Variants in TNXB observed in about 807,000 individuals in gnomAD.
TNXB encodes the protein tenascin-X.
A neutral mutation model predicts 340.5 loss-of-function variants in TNXB; 183 were observed. The ratio of observed to expected loss-of-function variants is 0.54; its 90% CI spans 0.48 to 0.61. The LOEUF (loss-of-function observed/expected upper bound fraction) is 0.61. Ranked by LOEUF, TNXB falls within the 20% of genes least tolerant of loss-of-function variation. The pLI, the probability that TNXB is intolerant of heterozygous loss-of-function variation, is 0.00. For missense variants in TNXB, 4,613 were observed against 5,446.4 expected (o/e 0.85, Z 4.82); for synonymous variants, 2,121 against 2,314.5 (o/e 0.92, Z 2.40).
chr6:32,101,350 T>C (rs1198879675), intron 1 of TNXB, among the ~76,000 whole-genome samples: 1 of 152,014 alleles, frequency 6.6e-6, no homozygotes, highest in African/African-American at 2.4e-5. Flanking sequence ...AGTGCAGTGG[T>C]GCGTCTTGGC....
At position 32,068,875 on chromosome 6, in the gene TNXB, T is replaced by C; in HGVS notation, c.5849A>G (p.Tyr1950Cys). The C allele has an allele frequency of 6.2e-7, 1 of 1,612,558 alleles. No homozygotes were observed. Among genetic ancestry groups the C allele is most frequent in the South Asian group, 1.1e-5 (1 of 91,056 alleles). The change falls in exon 16 of 44, where the codon TAT becomes TGT. Residue 1950 changes from tyrosine (Y) to cysteine (C), a missense_variant. Around this residue, in one of 7 missense-constraint regions of TNXB, gnomAD observed 4,327 missense variants for 4,859.4 expected, o/e 0.89. Transcript: ENST00000644971. The surrounding 1 kb of genome is among the most constrained non-coding windows in gnomAD (Gnocchi z 5.3). ...ESDHRYLVTL[Y>C]GFSDGKHVGP... ...TACATGCTTCCCATCACTGAAACCATACAGGGTCACCAGGTATCTGTGGTC... is the reference window on the plus strand; with the variant it reads ...TACATGCTTCCCATCACTGAAACCACACAGGGTCACCAGGTATCTGTGGTC...
chr6:32,069,176 T>A lies in TNXB; in HGVS notation c.5588-40A>T. On this transcript the variant is annotated intron_variant, in intron 15 of 43. Transcript: ENST00000644971. The surrounding 1 kb of genome is among the most constrained non-coding windows in gnomAD (Gnocchi z 6.2). Reference sequence around the variant, plus strand: ...CAGGTAGAGACAGATGGCTGGTGTGTCGCTGCACCCAGACTCTCAGGAGGA... The same window carrying A: ...CAGGTAGAGACAGATGGCTGGTGTGACGCTGCACCCAGACTCTCAGGAGGA... The A allele has an allele frequency of 3.8e-5, 60 of 1,560,120 alleles. No homozygotes were observed. The highest frequency in any genetic ancestry group is 4.9e-5 in the Non-Finnish European group (57 of 1,154,380).
Position 32,048,545 on chromosome 6 carries a change from G to A in TNXB, c.9863C>T (p.Pro3288Leu). The change falls in exon 29 of 44, where the codon CCC (proline) becomes CTC (leucine). Residue 3288 changes from proline (P) to leucine (L), a missense_variant. Around this residue, in one of 7 missense-constraint regions of TNXB, gnomAD observed 4,327 missense variants for 4,859.4 expected, o/e 0.89. Transcript: ENST00000644971. ...VGLSWTVAQG[P>L]FDSFLVQYRD... Reference sequence around the variant, plus strand: ...GTACTGTACCAGGAAGGAGTCAAAGGGGCCCTGGGCCACCGTCCATGAGAG... The same window carrying A: ...GTACTGTACCAGGAAGGAGTCAAAGAGGCCCTGGGCCACCGTCCATGAGAG... 6.4e-7 allele frequency: 1 copy of A among 1,570,682 alleles called. No homozygotes were observed. The highest frequency in any genetic ancestry group is 8.6e-7 in the Non-Finnish European group (1 of 1,156,320).
chr6:32,084,599 C>T lies in TNXB; in HGVS notation c.3259G>A (p.Gly1087Ser). 6.2e-7 allele frequency: 1 copy of T among 1,608,294 alleles called. No homozygotes were observed. Among genetic ancestry groups the T allele is most frequent in the South Asian group, 1.1e-5 (1 of 90,052 alleles). ...TGGATCACGAAGGAGTCAAACTCGCCCTCGGGGACCGTCCAGCGCAGGAGC... is the reference window on the plus strand; with the variant it reads ...TGGATCACGAAGGAGTCAAACTCGCTCTCGGGGACCGTCCAGCGCAGGAGC... ...SLLLRWTVPE[G>S]EFDSFVIQYK... The change falls in exon 8 of 44, where the codon GGC becomes AGC. Residue 1087 changes from glycine (G) to serine (S), a missense_variant. Gly to Ser is a moderately conservative substitution (Grantham distance 56, BLOSUM62 0). Coordinates refer to ENST00000644971, the MANE Select transcript of TNXB (RefSeq NM_001365276.2). This position sits in a 1 kb window ranked among gnomAD's most constrained non-coding sequence, Gnocchi z 5.5.
In TNXB at chr6:32,049,352, C is replaced by T. The variant is rs1777109253; in HGVS notation, c.9675G>A (p.Glu3225=). Residue 3225 remains glutamate, a synonymous_variant, in exon 28 of 44, where the codon GAG becomes GAA. Coordinates refer to ENST00000644971, the MANE Select transcript of TNXB (RefSeq NM_001365276.2). The surrounding 1 kb of genome is among the most constrained non-coding windows in gnomAD (Gnocchi z 4.5). ...EESEVTVGGL[E]PGRKYKMHLY... ...GATGCATCTTGTATTTGCGCCCGGG[C>T]TCCAGGCCCCCCACGGTGACCTCGC... 2 of 1,612,526 alleles carry T rather than the reference C, an allele frequency of 1.2e-6. No homozygotes were observed. The highest frequency in any genetic ancestry group is 8.5e-7 in the Non-Finnish European group (1 of 1,179,866).
In TNXB at chr6:32,069,121, G is replaced by A. The variant is rs1188559992; in HGVS notation, c.5603C>T (p.Thr1868Met). Residue 1868 changes from threonine (T) to methionine (M), a missense_variant, in exon 16 of 44, where the codon ACG becomes ATG. Coordinates refer to ENST00000644971, the MANE Select transcript of TNXB (RefSeq NM_001365276.2). The surrounding 1 kb of genome is among the most constrained non-coding windows in gnomAD (Gnocchi z 6.2). ...GGTCGGGGCCGTGGTCTCAGTTTCC[G>A]TTTCTTCCCTGCCGGCTGGTTCACA... ...AVAITAGREE[T>M]ETETTAPTPP... 9 of 1,608,076 alleles carry A rather than the reference G, an allele frequency of 5.6e-6. No individual in the cohort carries two copies. Among genetic ancestry groups the A allele is most frequent in the African/African-American group, 2.7e-5 (2 of 74,882 alleles).
chr6:32,070,547 C>T lies in TNXB; in HGVS notation c.4991-133G>A, dbSNP rs2151917407. The T allele has an allele frequency of 3.0e-6, 3 of 1,006,206 alleles. No individual in the cohort carries two copies. Among genetic ancestry groups the T allele is most frequent in the Non-Finnish European group, 4.2e-6 (3 of 707,132 alleles). The allele number at this position is 1,006,206 out of a possible 1,614,324, so 62.3% of individuals were successfully genotyped here. A position where few individuals can be genotyped will look rare whatever the true frequency, so the allele number is the denominator to read the frequency against. On this transcript the variant is annotated intron_variant, in intron 13 of 43. Transcript: ENST00000644971. The surrounding 1 kb of genome is among the most constrained non-coding windows in gnomAD (Gnocchi z 6.0). ...AAATATTTCCATCACCTCCCATCCT[C>T]ACCACCATCTCCGTCTGGTCCATGC...
chr6:32,075,414 C>T lies in TNXB; in HGVS notation c.4376-1462G>A, dbSNP rs1254361387. 2.6e-5 allele frequency among the ~76,000 whole-genome samples: 4 copies of T among 152,228 alleles called. No individual in the cohort carries two copies. The highest frequency in any genetic ancestry group is 6.5e-5 in the Admixed American group (1 of 15,284). On this transcript the variant is annotated intron_variant, in intron 11 of 43. Transcript: ENST00000644971. The surrounding 1 kb of genome is among the most constrained non-coding windows in gnomAD (Gnocchi z 4.6). ...TCTGCAGACATCTGGGGCTGCTTCT[C>T]GCCTGCCAGTCTCTGCATTTGCTCT...
rs141296384 is a variant in TNXB at position 32,079,704 on chromosome 6, G to A, written c.4043-339C>T. ...CCTCTTCCTACCTGTGCCCTCCCCA[G>A]GGCACTCTGGCTGCCCCACCCCTCA... On this transcript the variant is annotated intron_variant, in intron 10 of 43. Transcript: ENST00000644971. This position sits in a 1 kb window ranked among gnomAD's most constrained non-coding sequence, Gnocchi z 7.1. Among the ~76,000 whole-genome samples the A allele has an allele frequency of 5.4e-4, 82 of 152,262 alleles. No individual in the cohort carries two copies. Among genetic ancestry groups the A allele is most frequent in the Middle Eastern group, 3.4e-3 (1 of 294 alleles).
intron 4 of TNXB, among the ~76,000 whole-genome samples, chr6:32,091,949 A>C (rs1365922839): frequency 6.6e-6 from 1 of 152,238 alleles, no homozygotes; most frequent in African/African-American, 2.4e-5. Flanking sequence ...GTCCCAGTGA[A>C]CACTTAGCCT....
chr6:32,106,969 A>T (rs1781014480), intron 1 of TNXB, among the ~76,000 whole-genome samples: 1 of 152,276 alleles, frequency 6.6e-6, no homozygotes, highest in Admixed American at 6.5e-5. Flanking sequence ...TTGTAGGTAC[A>T]CATATGGGTG....
chr6:32,092,072 G>A (rs1294887571), intron 4 of TNXB, among the ~76,000 whole-genome samples: 1 of 152,178 alleles, frequency 6.6e-6, no homozygotes, highest in African/African-American at 2.4e-5. Flanking sequence ...CATTCATAGT[G>A]GAGCTAGCAC....
intron 43 of TNXB, 136 bp from the exon 44 acceptor site, chr6:32,041,586 T>C (rs998535866): frequency 4.7e-6 from 5 of 1,066,924 alleles, no homozygotes; most frequent in East Asian, 5.1e-5. Flanking sequence ...CTGCAGAGGA[T>C]TGAGGCTTAA....
At position 32,052,808 on chromosome 6, in the gene TNXB, G is replaced by A. The variant is rs748647500; in HGVS notation, c.8977C>T (p.Pro2993Ser). The change falls in exon 26 of 44, where the codon CCC (proline) becomes TCC (serine). Residue 2993 changes from proline (P) to serine (S), a missense_variant. Transcript: ENST00000644971. This position sits in a 1 kb window ranked among gnomAD's most constrained non-coding sequence, Gnocchi z 4.7. ...TVQYKDRDGRPQVVRVRGEES... is the reference protein window; with the variant it reads ...TVQYKDRDGRSQVVRVRGEES... ...TCGCCCCTGACACGCACCACCTGGG[G>A]CCGCCCGTCCCTGTCCTTGTACTGC... 1 of 1,613,754 alleles carries A rather than the reference G, an allele frequency of 6.2e-7. No individual in the cohort carries two copies. The highest frequency in any genetic ancestry group is 8.5e-7 in the Non-Finnish European group (1 of 1,179,886).
At position 32,075,314 on chromosome 6, in the gene TNXB, T is replaced by C. The variant is rs1413005085; in HGVS notation, c.4376-1362A>G. On this transcript the variant is annotated intron_variant, in intron 11 of 43. Coordinates refer to ENST00000644971, the MANE Select transcript of TNXB (RefSeq NM_001365276.2). This position sits in a 1 kb window ranked among gnomAD's most constrained non-coding sequence, Gnocchi z 4.6. ...TCCTGCACTGGCCTCTGAGGTCCCATATTCATCTCTTAGATCATTCCCTAT... is the reference window on the plus strand; with the variant it reads ...TCCTGCACTGGCCTCTGAGGTCCCACATTCATCTCTTAGATCATTCCCTAT... 1.3e-5 allele frequency among the ~76,000 whole-genome samples: 2 copies of C among 152,244 alleles called. No individual in the cohort carries two copies. Among genetic ancestry groups the C allele is most frequent in the Non-Finnish European group, 2.9e-5 (2 of 68,042 alleles).
rs1327560326 is a variant in TNXB at position 32,070,849 on chromosome 6, C to T, written c.4991-435G>A. Among the ~76,000 whole-genome samples, 2 of 152,202 alleles carry T rather than the reference C, an allele frequency of 1.3e-5. No homozygotes were observed. The highest frequency in any genetic ancestry group is 2.9e-5 in the Non-Finnish European group (2 of 68,026). The stretch of plus-strand genomic sequence containing the variant: ...GCGCAGGATCCCTGATGGGGGCACT[C>T]GGCAGGTCAGGGAGGCAGGATGTTA... On this transcript the variant is annotated intron_variant, in intron 13 of 43. Coordinates refer to ENST00000644971, the MANE Select transcript of TNXB (RefSeq NM_001365276.2). This position sits in a 1 kb window ranked among gnomAD's most constrained non-coding sequence, Gnocchi z 6.0.
chr6:32,053,072 T>C, intron 25 of TNXB, 79 bp from the exon 26 acceptor site: 1 of 1,480,134 alleles, frequency 6.8e-7, no homozygotes, highest in Non-Finnish European at 9.1e-7. Flanking sequence ...AGAGCGAAGC[T>C]GTGGCCATGA....
At position 32,085,260 on chromosome 6, in the gene TNXB, C is replaced by A. The variant is rs953062274; in HGVS notation, c.3148+490G>T. The stretch of plus-strand genomic sequence containing the variant: ...CCCCCTGCCCCAAGGAGCCTTCACC[C>A]CCAGCAGAAACTGGCTGATGGGACC... On this transcript the variant is annotated intron_variant, in intron 7 of 43. Transcript: ENST00000644971. The surrounding 1 kb of genome is among the most constrained non-coding windows in gnomAD (Gnocchi z 6.4). 6.6e-6 allele frequency among the ~76,000 whole-genome samples: 1 copy of A among 152,180 alleles called. No individual in the cohort carries two copies. The highest frequency in any genetic ancestry group is 2.4e-5 in the African/African-American group (1 of 41,442).
chr6:32,054,390 C>T (rs1476063370), intron 24 of TNXB, among the ~76,000 whole-genome samples: 1 of 152,236 alleles, frequency 6.6e-6, no homozygotes, highest in Non-Finnish European at 1.5e-5. Context: ...GACCCCAGGC[C>T]TGGTGAGTGG....
Sources: gnomAD v4.1 joint callset for allele counts (sites outside exome capture counted in the v4.1 genomes callset) on GRCh38, gnomAD v4.1.1 for gene constraint, gnomAD v4.1.1 regional missense constraint, Gnocchi (gnomAD v3.1) non-coding constraint, MANE v1.5 for transcripts, NCBI Gene and HGNC (gene_info 2026-07-23, HGNC 2026-07-21) for gene names.